NCS1: variants seen among roughly 807,000 people sequenced by gnomAD.
NCS1 encodes neuronal calcium sensor 1.
A neutral mutation model predicts 28.4 loss-of-function variants in NCS1; 6 were observed. That is an observed-to-expected ratio of 0.21 (90% CI 0.12 to 0.42). The LOEUF (loss-of-function observed/expected upper bound fraction) is 0.42. Among genes scored for constraint, NCS1 ranks in the 10% least tolerant of loss-of-function variants. The probability of loss-of-function intolerance (pLI) is 1.00; values close to 1 mark genes in which losing one functional copy is unlikely to be tolerated. For synonymous variants in NCS1, 86 were observed against 99.3 expected (o/e 0.87, Z 0.79); for missense variants, 131 against 241.4 (o/e 0.54, Z 3.03).
In NCS1 at chr9:130,209,378, CTG is replaced by C. The variant is rs1462806898; in HGVS notation, c.89+8397_89+8398del. Among the ~76,000 whole-genome samples, 3 of 152,206 alleles carry C rather than the reference CTG, an allele frequency of 2.0e-5. No homozygotes were observed. The highest frequency in any genetic ancestry group is 7.2e-5 in the African/African-American group (3 of 41,460). On this transcript the variant is annotated intron_variant, in intron 2 of 7. Coordinates refer to ENST00000372398, the MANE Select transcript of NCS1 (RefSeq NM_014286.4). This position sits in a 1 kb window ranked among gnomAD's most constrained non-coding sequence, Gnocchi z 4.4. The stretch of plus-strand genomic sequence containing the variant: ...CTAGAGGACCGGGGCGTTTGGGAGA[CTG>C]AGGCCTGGCAGTGCGGGGGCTTGCT...
At position 130,226,314 on chromosome 9, in the gene NCS1, C is replaced by A; in HGVS notation, c.475-75C>A. 1.5e-6 allele frequency: 2 copies of A among 1,300,258 alleles called. No individual in the cohort carries two copies. The highest frequency in any genetic ancestry group is 2.2e-6 in the Non-Finnish European group (2 of 905,722). 80.5% of individuals were successfully genotyped at this position (1,300,258 alleles called of 1,614,324 possible). A position where few individuals can be genotyped will look rare whatever the true frequency, so the allele number is the denominator to read the frequency against. The stretch of plus-strand genomic sequence containing the variant: ...CTAACCTTGGAAGGGCTCTTGGGAC[C>A]GGCCCTGGGCTGGGCTTGTCTAGAG... On this transcript the variant is annotated intron_variant, in intron 6 of 7. Transcript: ENST00000372398. This position sits in a 1 kb window ranked among gnomAD's most constrained non-coding sequence, Gnocchi z 4.8.
chr9:130,213,570 C>G (rs1226649493), intron 2 of NCS1, among the ~76,000 whole-genome samples: 3 of 150,560 alleles, frequency 2.0e-5, no homozygotes, highest in Admixed American at 2.0e-4. Context: ...TGAGTCACCA[C>G]GCCTGGCCCA....
At chr9:130,210,400 G>GAAAA (rs3055585) in intron 2 of NCS1, among the ~76,000 whole-genome samples, 2 of 125,388 alleles carry the variant, frequency 1.6e-5, no homozygotes, top group Non-Finnish European at 3.3e-5. Flanking sequence ...CTCAGTCTTA[G>GAAAA]AAAAAAAAAA....
rs1351907984 is a variant in NCS1, at chr9:130,232,532, C to T, written c.*18-458C>T. Among the ~76,000 whole-genome samples, 2 of 152,126 alleles carry T rather than the reference C, an allele frequency of 1.3e-5. No homozygotes were observed. Among genetic ancestry groups the T allele is most frequent in the African/African-American group, 4.8e-5 (2 of 41,412 alleles). ...GCACGGTGGCTCACGCCTGTAATCCCAGCACTTTGGGAGGCCGAGGCGGGT... is the reference window on the plus strand; with the variant it reads ...GCACGGTGGCTCACGCCTGTAATCCTAGCACTTTGGGAGGCCGAGGCGGGT... On this transcript the variant is annotated intron_variant, in intron 7 of 7. Coordinates refer to ENST00000372398, the MANE Select transcript of NCS1 (RefSeq NM_014286.4). The surrounding 1 kb of genome is among the most constrained non-coding windows in gnomAD (Gnocchi z 4.4).
chr9:130,218,459 C>T (rs1267535767), intron 3 of NCS1, among the ~76,000 whole-genome samples: 1 of 152,246 alleles, frequency 6.6e-6, no homozygotes, highest in Non-Finnish European at 1.5e-5. Flanking sequence ...GCACAACACA[C>T]ATGCATGTAT....
rs58920559 is a variant in NCS1 at position 130,175,438 on chromosome 9, C to T, written c.64+2711C>T. ...TACCTGGGCTGCCCTCCCGGATTTC[C>T]GATTCTTTAGGTCTGGCTGGGGCCC... On this transcript the variant is annotated intron_variant, in intron 1 of 7. Transcript: ENST00000372398. The surrounding 1 kb of genome is among the most constrained non-coding windows in gnomAD (Gnocchi z 4.9). Among the ~76,000 whole-genome samples, 1,379 of 152,260 alleles carry T rather than the reference C, an allele frequency of 9.1e-3. 13 individuals are homozygous for T. The highest frequency in any genetic ancestry group is 0.032 in the African/African-American group (1,332 of 41,540).
chr9:130,200,884 C>T (rs202076734), intron 1 of NCS1, 74 bp from the exon 2 acceptor site: 2 of 1,583,944 alleles, frequency 1.3e-6, no homozygotes, highest in Non-Finnish European at 1.7e-6. Flanking sequence ...GGGGAGGCCC[C>T]CCAGCGAATG....
chr9:130,206,865 AG>A (rs1833030574), intron 2 of NCS1, among the ~76,000 whole-genome samples: 1 of 151,912 alleles, frequency 6.6e-6, no homozygotes, highest in African/African-American at 2.4e-5. Context: ...CGGCAGTAGG[AG>A]GGAGGGACAT....
In NCS1 at chr9:130,186,789, A is replaced by G. The variant is rs1218027166; in HGVS notation, c.64+14062A>G. ...GGCAACTCTGGGGACATGAAATTGC[A>G]CGGTGACTGCAGCATAGAGGGCCTG... is the stretch of plus-strand genomic sequence containing the variant. On this transcript the variant is annotated intron_variant, in intron 1 of 7. Transcript: ENST00000372398. This position sits in a 1 kb window ranked among gnomAD's most constrained non-coding sequence, Gnocchi z 4.1. Among the ~76,000 whole-genome samples, 1 of 152,206 alleles carries G rather than the reference A, an allele frequency of 6.6e-6. No homozygotes were observed. Among genetic ancestry groups the G allele is most frequent in the African/African-American group, 2.4e-5 (1 of 41,468 alleles).
At chr9:130,189,879 A>ATATATATAT (rs1207119695) in intron 1 of NCS1, among the ~76,000 whole-genome samples, 5 of 37,750 alleles carry the variant, frequency 1.3e-4, no homozygotes, top group African/African-American at 4.6e-4. Context: ...AAAAAAAAAA[A>ATATATATAT]ATATATATAT....
intron 1 of NCS1, among the ~76,000 whole-genome samples, chr9:130,189,775 CCAGAAGGTGGAGGTTG>C (rs1429533789): frequency 6.8e-6 from 1 of 147,028 alleles, no homozygotes; most frequent in Admixed American, 7.0e-5. Context: ...CTGCTTGAAC[CCAGAAGGTGGAGGTTG>C]CAGTGACCTG....
intron 1 of NCS1, among the ~76,000 whole-genome samples, chr9:130,194,339 A>G (rs1403721425): frequency 1.2e-5 from 1 of 81,392 alleles, no homozygotes; most frequent in Non-Finnish European, 3.0e-5. Context: ...CCGGGGTGGA[A>G]AGGAGGCTGT....
At position 130,236,413 on chromosome 9, in the gene NCS1, A is replaced by AG. The variant is rs1554913115; in HGVS notation, c.*3446dup. On this transcript the variant is annotated 3_prime_UTR_variant, in exon 8 of 8. Transcript: ENST00000372398. ...GGGAGGCTGGAGCGGGGAGGCGAGG[A>AG]GGGGGCTGTGAGTCCTCAGAGGCCC... is the stretch of plus-strand genomic sequence containing the variant. The AG allele has an allele frequency of 6.6e-6, 1 of 151,936 alleles. No individual in the cohort carries two copies. The highest frequency in any genetic ancestry group is 1.5e-5 in the Non-Finnish European group (1 of 68,020). The allele number at this position is 151,936 out of a possible 1,614,324, so 9.4% of individuals were successfully genotyped here.
intron 2 of NCS1, among the ~76,000 whole-genome samples, chr9:130,204,288 T>C (rs1226669755): frequency 1.3e-5 from 2 of 152,026 alleles, no homozygotes; most frequent in Admixed American, 1.3e-4. Flanking sequence ...TTTAAATTAT[T>C]ATTAATATTA....
rs115552262 is a variant in NCS1 at position 130,180,064 on chromosome 9, C to T, written c.64+7337C>T. On this transcript the variant is annotated intron_variant, in intron 1 of 7. Coordinates refer to ENST00000372398, the MANE Select transcript of NCS1 (RefSeq NM_014286.4). The surrounding 1 kb of genome is among the most constrained non-coding windows in gnomAD (Gnocchi z 4.5). Reference sequence around the variant, plus strand: ...CTATCTATCTATCGAGATGGAATCTCACTTCCGTCACCCAGGCTAGAGTGC... The same window carrying T: ...CTATCTATCTATCGAGATGGAATCTTACTTCCGTCACCCAGGCTAGAGTGC... 2.7e-3 allele frequency among the ~76,000 whole-genome samples: 416 copies of T among 151,894 alleles called. 4 individuals carry two copies. Among genetic ancestry groups the T allele is most frequent in the African/African-American group, 9.4e-3 (391 of 41,394 alleles).
At chr9:130,206,801 G>A (rs916916846) in intron 2 of NCS1, among the ~76,000 whole-genome samples, 1 of 152,042 alleles carries the variant, frequency 6.6e-6, no homozygotes, top group Non-Finnish European at 1.5e-5. Context: ...GGATTCCTGA[G>A]CCCCGGCTTT....
chr9:130,214,570 A>T (rs1489291311), intron 2 of NCS1, among the ~76,000 whole-genome samples: 1 of 152,144 alleles, frequency 6.6e-6, no homozygotes, highest in Non-Finnish European at 1.5e-5. Context: ...CGTGAAGCGA[A>T]CTGGGGAGGA....
chr9:130,174,089 G>A (rs967683156), intron 1 of NCS1, among the ~76,000 whole-genome samples: 2 of 152,220 alleles, frequency 1.3e-5, no homozygotes, highest in Non-Finnish European at 2.9e-5. Flanking sequence ...GTGGGCAGGT[G>A]GGTGGCCCAT....
chr9:130,206,081 C>T lies in NCS1; in HGVS notation c.89+5099C>T, dbSNP rs76940990. The stretch of plus-strand genomic sequence containing the variant: ...CCAGGGATGGTTAGACAGTGACACT[C>T]TGCCCTCCTGTGCCCATGGCAGACA... On this transcript the variant is annotated intron_variant, in intron 2 of 7. Transcript: ENST00000372398. 7.9e-4 allele frequency among the ~76,000 whole-genome samples: 120 copies of T among 152,336 alleles called. 2 individuals are homozygous for T. In the East Asian group the frequency reaches 0.022, roughly 28 times the overall value.
Sources: allele counts gnomAD v4.1 joint callset (sites outside exome capture counted in the v4.1 genomes callset), GRCh38; gene constraint gnomAD v4.1.1; non-coding constraint Gnocchi (gnomAD v3.1); transcripts MANE v1.5; gene names NCBI Gene and HGNC (gene_info 2026-07-23, HGNC 2026-07-21).